The following KLB variants were observed in gnomAD, a reference collection of about 807,000 sequenced individuals.
KLB encodes the protein beta-klotho.
KLB carries 44 observed loss-of-function variants against 88.4 expected under a neutral mutation model. That is an observed-to-expected ratio of 0.50 (90% CI 0.39 to 0.64). KLB has a LOEUF of 0.64. KLB is among the 30% of genes least tolerant of loss of function. The pLI is 0.00. For synonymous variants in KLB, 548 were observed against 513.4 expected (o/e 1.07, Z -0.91); for missense variants, 1,137 against 1,304.8 (o/e 0.87, Z 1.98).
intron 3 of KLB, among the ~76,000 whole-genome samples, chr4:39,443,975 G>C (rs574111053): frequency 6.6e-6 from 1 of 151,818 alleles, no homozygotes; most frequent in Non-Finnish European, 1.5e-5. Flanking sequence ...TGGCCAACAT[G>C]GTGAAGCCCC....
chr4:39,433,260 C>T (rs553324865), intron 1 of KLB, among the ~76,000 whole-genome samples: 36 of 152,170 alleles, frequency 2.4e-4, no homozygotes, highest in South Asian at 8.3e-4. Flanking sequence ...CCTAAGGTTA[C>T]ACAATGAGTA....
intron 1 of KLB, among the ~76,000 whole-genome samples, chr4:39,410,765 TG>T (rs34763840): frequency 6.6e-6 from 1 of 152,102 alleles, no homozygotes; most frequent in Non-Finnish European, 1.5e-5. Flanking sequence ...AACTGAATTC[TG>T]GGGGGGTATG....
chr4:39,428,521 C>A (rs1743270719), intron 1 of KLB, among the ~76,000 whole-genome samples: 1 of 151,478 alleles, frequency 6.6e-6, no homozygotes, highest in African/African-American at 2.4e-5. Context: ...AGGTTATATG[C>A]CCAAAGTTAG....
chr4:39,446,908 C>T lies in KLB; in HGVS notation c.2182C>T (p.Arg728Trp), dbSNP rs1743760734. ...AHALAWRLYD[R>W]QFRPSQRGAV... ...CGCCCTGGCCTGGCGCCTCTACGACCGGCAGTTCAGGCCCTCACAGCGCGG... is the reference window on the plus strand; with the variant it reads ...CGCCCTGGCCTGGCGCCTCTACGACTGGCAGTTCAGGCCCTCACAGCGCGG... The change falls in exon 4 of 5, where the codon CGG (arginine) becomes TGG (tryptophan). Residue 728 changes from arginine to tryptophan, a missense_variant. Arg to Trp is a moderately radical substitution (Grantham distance 101). This residue lies in a region of KLB where 426 missense variants were observed against 404.6 expected (regional missense o/e 1.05). Transcript: ENST00000257408. The surrounding 1 kb of genome is among the most constrained non-coding windows in gnomAD (Gnocchi z 6.4). The T allele has an allele frequency of 3.1e-6, 5 of 1,606,044 alleles. No homozygotes were observed. The highest frequency in any genetic ancestry group is 1.7e-5 in the Admixed American group (1 of 59,838).
In KLB at chr4:39,446,284, C is replaced by T. The variant is rs764772341; in HGVS notation, c.1606-48C>T. On this transcript the variant is annotated intron_variant, in intron 3 of 4. Coordinates refer to ENST00000257408, the MANE Select transcript of KLB (RefSeq NM_175737.4). This position sits in a 1 kb window ranked among gnomAD's most constrained non-coding sequence, Gnocchi z 6.4. Reference sequence around the variant, plus strand: ...GCAGAGGTAGGCAGATCACTTGAGCCTCCATCTGCCAGCGCATGCTTGACC... The same window carrying T: ...GCAGAGGTAGGCAGATCACTTGAGCTTCCATCTGCCAGCGCATGCTTGACC... The T allele has an allele frequency of 6.5e-7, 1 of 1,541,912 alleles. No individual in the cohort carries two copies. The highest frequency in any genetic ancestry group is 1.8e-5 in the Admixed American group (1 of 56,980).
Position 39,446,637 on chromosome 4 carries a change from G to T in KLB, c.1911G>T (p.Ala637=). ...VSEGLKLGIS[A]MVTLYYPTHA... The stretch of plus-strand genomic sequence containing the variant: ...AGGGGCTGAAGCTTGGCATCTCCGC[G>T]ATGGTCACCCTGTATTATCCGACCC... Residue 637 remains alanine, a synonymous_variant, in exon 4 of 5, where the codon GCG becomes GCT. Transcript: ENST00000257408. The surrounding 1 kb of genome is among the most constrained non-coding windows in gnomAD (Gnocchi z 6.4). The T allele has an allele frequency of 6.2e-7, 1 of 1,613,532 alleles. No individual in the cohort carries two copies. Among genetic ancestry groups the T allele is most frequent in the Non-Finnish European group, 8.5e-7 (1 of 1,179,632 alleles).
At chr4:39,419,712 G>A (rs1743036875) in intron 1 of KLB, among the ~76,000 whole-genome samples, 1 of 149,810 alleles carries the variant, frequency 6.7e-6, no homozygotes. Flanking sequence ...GAAGGCGGAG[G>A]TTGCAGTGAG....
chr4:39,416,465 A>G (rs1381044543), intron 1 of KLB, among the ~76,000 whole-genome samples: 3 of 152,214 alleles, frequency 2.0e-5, no homozygotes, highest in Non-Finnish European at 2.9e-5. Flanking sequence ...TAAAATTATT[A>G]AACAAAATTT....
chr4:39,431,778 C>T (rs1008820339), intron 1 of KLB, among the ~76,000 whole-genome samples: 1 of 152,180 alleles, frequency 6.6e-6, no homozygotes, highest in African/African-American at 2.4e-5. Context: ...CCCCATCTAA[C>T]AGGGTTTATG....
Position 39,440,237 on chromosome 4 carries a change from T to C in KLB, c.1605+2242T>C, listed in dbSNP as rs548788717. On this transcript the variant is annotated intron_variant, in intron 3 of 4. Transcript: ENST00000257408. ...TCAGCTCACTGCAACCTCTGCCTCC[T>C]GGATTCAAGCAATTCTCCTGCCTCA... Among the ~76,000 whole-genome samples, 3 of 151,784 alleles carry C rather than the reference T, an allele frequency of 2.0e-5. No homozygotes were observed. In the East Asian group the frequency reaches 5.9e-4, roughly 30 times the overall value.
Position 39,432,379 on chromosome 4 carries a change from G to A in KLB, c.826-1831G>A, listed in dbSNP as rs141102566. 6.1e-3 allele frequency among the ~76,000 whole-genome samples: 934 copies of A among 152,264 alleles called. 6 individuals are homozygous for A. The highest frequency in any genetic ancestry group is 0.013 in the Admixed American group (198 of 15,278). On this transcript the variant is annotated intron_variant, in intron 1 of 4. Transcript: ENST00000257408. ...CAAGTCAAATGCTGAGGGGAAGAGAGTGGTTCTGACACAGATGAAGGACAA... is the reference window on the plus strand; with the variant it reads ...CAAGTCAAATGCTGAGGGGAAGAGAATGGTTCTGACACAGATGAAGGACAA...
In KLB at chr4:39,411,477, T is replaced by C. The variant is rs28503392; in HGVS notation, c.825+3703T>C. ...GCCTCAGTCTCCCGTCAAAGCTGTT[T>C]TTAACAGCATTTGAAATAGAATGAG... On this transcript the variant is annotated intron_variant, in intron 1 of 4. Transcript: ENST00000257408. Among the ~76,000 whole-genome samples the C allele has an allele frequency of 5.9e-3, 889 of 151,632 alleles. 13 individuals are homozygous for C. The highest frequency in any genetic ancestry group is 0.02 in the African/African-American group (837 of 41,328).
In KLB at chr4:39,451,403, A is replaced by G. The variant is rs1289376052; in HGVS notation, c.*2717A>G. 1.3e-5 allele frequency: 2 copies of G among 152,232 alleles called. No homozygotes were observed. The highest frequency in any genetic ancestry group is 2.4e-5 in the African/African-American group (1 of 41,464). 9.4% of individuals were successfully genotyped at this position (152,232 alleles called of 1,614,324 possible). A position where few individuals can be genotyped will look rare whatever the true frequency, so the allele number is the denominator to read the frequency against. On this transcript the variant is annotated 3_prime_UTR_variant, in exon 5 of 5. Coordinates refer to ENST00000257408, the MANE Select transcript of KLB (RefSeq NM_175737.4). ...TGTTTATCGTATATTCAATGTAACA[A>G]CCTGGAGAATCACAACTATATTTAA...
intron 1 of KLB, among the ~76,000 whole-genome samples, chr4:39,408,500 G>A (rs925770765): frequency 1.3e-5 from 2 of 152,118 alleles, no homozygotes; most frequent in Non-Finnish European, 2.9e-5. Flanking sequence ...TACTTATTAT[G>A]TACCACAGAC....
At chr4:39,445,230 C>T (rs1743709326) in intron 3 of KLB, among the ~76,000 whole-genome samples, 1 of 152,002 alleles carries the variant, frequency 6.6e-6, no homozygotes, top group Non-Finnish European at 1.5e-5. Context: ...GAGGTGGGTG[C>T]GATTACTCCG....
chr4:39,439,239 A>C (rs1447425825), intron 3 of KLB, among the ~76,000 whole-genome samples: 1 of 152,008 alleles, frequency 6.6e-6, no homozygotes, highest in East Asian at 1.9e-4. Context: ...GCTCAAACAC[A>C]CATCCTTCCT....
rs1395963100 is a variant in KLB, at chr4:39,451,474, A to C, written c.*2788A>C. 2 of 152,222 alleles carry C rather than the reference A, an allele frequency of 1.3e-5. No homozygotes were observed. Among genetic ancestry groups the C allele is most frequent in the African/African-American group, 4.8e-5 (2 of 41,450 alleles). The allele number at this position is 152,222 out of a possible 1,614,324, so 9.4% of individuals were successfully genotyped here. A position where few individuals can be genotyped will look rare whatever the true frequency, so the allele number is the denominator to read the frequency against. ...CCAGTACAGTGTGACTACATGTTTA[A>C]TTTTCAATGTAATTTATTCCAAATA... On this transcript the variant is annotated 3_prime_UTR_variant, in exon 5 of 5. Coordinates refer to ENST00000257408, the MANE Select transcript of KLB (RefSeq NM_175737.4).
chr4:39,447,611 C>A, intron 4 of KLB, 136 bp downstream of exon 4: 1 of 693,342 alleles, frequency 1.4e-6, no homozygotes, highest in Non-Finnish European at 2.2e-6. Flanking sequence ...TGAATTTTGT[C>A]CTGAAAACTG....
At chr4:39,407,897 A>C (rs1207116633) in intron 1 of KLB, 123 bp downstream of exon 1, 5 of 578,380 alleles carry the variant, frequency 8.6e-6, no homozygotes, top group African/African-American at 3.7e-5. Context: ...AATTCAAAAG[A>C]TCTATCCTCA....
Sources: gnomAD v4.1 joint callset for allele counts (sites outside exome capture counted in the v4.1 genomes callset) on GRCh38, gnomAD v4.1.1 for gene constraint, gnomAD v4.1.1 regional missense constraint, Gnocchi (gnomAD v3.1) non-coding constraint, MANE v1.5 for transcripts, NCBI Gene and HGNC (gene_info 2026-07-23, HGNC 2026-07-21) for gene names.